Variants in MAGEA11 observed in about 807,000 individuals in gnomAD.
MAGEA11 encodes melanoma-associated antigen 11.
MAGEA11 carries 1 observed loss-of-function variant against 8.4 expected under a neutral mutation model. That is an observed-to-expected ratio of 0.12 (90% confidence interval 0.04 to 0.57). The LOEUF (loss-of-function observed/expected upper bound fraction) is 0.57. MAGEA11 is among the 20% of genes least tolerant of loss of function. The pLI is 0.91. For synonymous variants in MAGEA11, 127 were observed against 119.3 expected, an observed-to-expected ratio of 1.06 and a Z score of -0.42; for missense variants, 209 against 317.3, an observed-to-expected ratio of 0.66 and a Z score of 2.59.
rs781833393 is a variant in MAGEA11 at position 149,715,735 on chromosome X, C to G, written c.267-18C>G. 1 of 1,200,720 alleles carries G rather than the reference C, an allele frequency of 8.3e-7. No homozygotes were observed. Among genetic ancestry groups the G allele is most frequent in the South Asian group, 1.8e-5 (1 of 54,759 alleles). On this transcript the variant is annotated intron_variant, in intron 4 of 4. Coordinates refer to ENST00000355220, the MANE Select transcript of MAGEA11 (RefSeq NM_005366.5). ...CATATCTCATCTGAGTCTGTTCTCA[C>G]GCTCCCTCTCTCCCCAGGCTGTGGG...
upstream of MAGEA11, chrX:149,711,716 G>A (rs1278510777): frequency 2.3e-6 from 1 of 440,144 alleles, no homozygotes; most frequent in African/African-American, 2.7e-5. Flanking sequence ...GAAGACCTTG[G>A]CAATGTTGTC....
rs1557362477 is a variant in MAGEA11, at chrX:149,716,113, T to A, written c.627T>A (p.Pro209=). 2 of 1,212,217 alleles carry A rather than the reference T, an allele frequency of 1.6e-6. No homozygotes were observed. The highest frequency in any genetic ancestry group is 4.3e-5 in the Admixed American group (2 of 46,124). The part of the protein sequence containing the change: ...SQEKEGPSTS[P]DLIDPESFSQ... ...AAAAGGAGGGGCCAAGTACCTCGCCTGACCTGATAGACCCTGAGTCCTTTT... is the reference window on the plus strand; with the variant it reads ...AAAAGGAGGGGCCAAGTACCTCGCCAGACCTGATAGACCCTGAGTCCTTTT... The change falls in exon 5 of 5, where the codon CCT becomes CCA. Residue 209 remains proline (P), a synonymous_variant. Coordinates refer to ENST00000355220, the MANE Select transcript of MAGEA11 (RefSeq NM_005366.5).
intron 1 of MAGEA11, among the ~76,000 whole-genome samples, chrX:149,705,518 C>T (rs4893132): frequency 0.38 from 42,347 of 111,120 alleles, 6,331 homozygotes; most frequent in Non-Finnish European, 0.46. Flanking sequence ...TGGGTAAGTC[C>T]TTATCAGCAG....
At chrX:149,702,708 A>G (rs2090359733) in intron 1 of MAGEA11, among the ~76,000 whole-genome samples, 2 of 111,450 alleles carry the variant, frequency 1.8e-5, no homozygotes, top group African/African-American at 6.5e-5. Flanking sequence ...TCTGTGTTGT[A>G]GTCAGTGATT....
In MAGEA11 at chrX:149,715,638, G is replaced by A; in HGVS notation, c.227G>A (p.Ser76Asn). 2 of 1,209,602 alleles carry A rather than the reference G, an allele frequency of 1.7e-6. No individual in the cohort carries two copies. The highest frequency in any genetic ancestry group is 2.2e-6 in the Non-Finnish European group (2 of 893,792). ...GAACAGGCCAACCTGGAGGACAGGAGTCCCAGGAGAACCCAGAGGATCACT... is the reference window on the plus strand; with the variant it reads ...GAACAGGCCAACCTGGAGGACAGGAATCCCAGGAGAACCCAGAGGATCACT... ...FREQANLEDRSPRRTQRITGG... is the reference protein window; with the variant it reads ...FREQANLEDRNPRRTQRITGG... The change falls in exon 4 of 5, where the codon AGT becomes AAT. Residue 76 changes from serine (S) to asparagine (N), a missense_variant. By Grantham distance (46) the Ser-to-Asn change is conservative (BLOSUM62 1). Coordinates refer to ENST00000355220, the MANE Select transcript of MAGEA11 (RefSeq NM_005366.5).
rs371788232 is a variant in MAGEA11, at chrX:149,694,875, T to C, written c.9+5891T>C. Among the ~76,000 whole-genome samples the C allele has an allele frequency of 1.7e-4, 19 of 110,723 alleles. No homozygotes were observed. In the East Asian group the frequency reaches 2.6e-3, roughly 15 times the overall value. On this transcript the variant is annotated intron_variant, in intron 1 of 3. Coordinates refer to the MAGEA11 transcript ENST00000333104. ...TACGTGGGATTACAGGCACCTGTCA[T>C]CACACCCGGCTACCTTTTGTATTTT... is the stretch of plus-strand genomic sequence containing the variant.
rs1557362458 is a variant in MAGEA11, at chrX:149,716,056, G to A, written c.570G>A (p.Gly190=). ...CCACTGCCATGGATGCCATCTTTGG[G>A]AGCCTATCTGATGAGGGCTCTGGCA... The part of the protein sequence containing the change: ...FSPTAMDAIF[G]SLSDEGSGSQ... Residue 190 remains glycine (G), a synonymous_variant, in exon 5 of 5, where the codon GGG becomes GGA. Transcript: ENST00000355220. 3 of 1,211,957 alleles carry A rather than the reference G, an allele frequency of 2.5e-6. No individual in the cohort carries two copies. Among genetic ancestry groups the A allele is most frequent in the Admixed American group, 4.3e-5 (2 of 46,056 alleles).
chrX:149,712,982 G>C (rs1406883141), intron 1 of MAGEA11, among the ~76,000 whole-genome samples, 161 bp from the exon 2 acceptor site: 1 of 112,313 alleles, frequency 8.9e-6, no homozygotes, highest in Admixed American at 9.3e-5. Context: ...ACAGAGGGAA[G>C]GGGCTTGGTA....
chrX:149,710,016 G>T (rs2090392582), upstream of MAGEA11, among the ~76,000 whole-genome samples: 2 of 111,711 alleles, frequency 1.8e-5, no homozygotes, highest in African/African-American at 6.5e-5. Flanking sequence ...AGTGATATTT[G>T]GTAGGGTAAT....
At chrX:149,701,161 A>C (rs1557360979) in intron 1 of MAGEA11, among the ~76,000 whole-genome samples, 1 of 111,038 alleles carries the variant, frequency 9.0e-6, no homozygotes, top group African/African-American at 3.3e-5. Context: ...ACAAGGGTTG[A>C]ACTAGGTTAC....
intron 1 of MAGEA11, among the ~76,000 whole-genome samples, chrX:149,712,558 T>C (rs1276310554): frequency 9.2e-6 from 1 of 108,908 alleles, no homozygotes; most frequent in Non-Finnish European, 1.9e-5. Flanking sequence ...GCTTGTGACC[T>C]GCTGAGGGCA....
chrX:149,697,756 G>A (rs1295493267), intron 1 of MAGEA11, among the ~76,000 whole-genome samples: 1 of 111,790 alleles, frequency 8.9e-6, no homozygotes, highest in Non-Finnish European at 1.9e-5. Flanking sequence ...GCTAAAAGGG[G>A]CCAATGTACT....
At chrX:149,702,358 T>C (rs1409968203) in intron 1 of MAGEA11, among the ~76,000 whole-genome samples, 3 of 111,918 alleles carry the variant, frequency 2.7e-5, no homozygotes, top group Non-Finnish European at 5.6e-5. Flanking sequence ...TAGGTACATA[T>C]ATGTTTATAA....
At chrX:149,714,151 A>T (rs1411598654) in intron 2 of MAGEA11, 6 of 214,420 alleles carry the variant, frequency 2.8e-5, no homozygotes, top group Admixed American at 6.3e-5. Context: ...TAATGAAGGG[A>T]TCCCACAGAG....
intron 4 of MAGEA11, 36 bp downstream of exon 4, chrX:149,715,713 A>G (rs375893812): frequency 1.2e-5 from 14 of 1,195,551 alleles, no homozygotes; most frequent in African/African-American, 7.0e-5. Flanking sequence ...CATGGTTCAT[A>G]TCTCATCTGA....
Position 149,715,994 on chromosome X carries a change from A to G in MAGEA11, c.508A>G (p.Ser170Gly), listed in dbSNP as rs370004708. ...LEELPAAESP[S>G]PPQSPQEESF... ...GGAGTTGCCTGCTGCTGAGTCACCAAGTCCTCCCCAGAGTCCTCAGGAAGA... is the reference window on the plus strand; with the variant it reads ...GGAGTTGCCTGCTGCTGAGTCACCAGGTCCTCCCCAGAGTCCTCAGGAAGA... Residue 170 changes from serine (S) to glycine (G), a missense_variant, in exon 5 of 5, where the codon AGT becomes GGT. Ser to Gly is a moderately conservative substitution (Grantham distance 56, BLOSUM62 0). Transcript: ENST00000355220. The G allele has an allele frequency of 3.9e-5, 47 of 1,209,515 alleles. No homozygotes were observed. The highest frequency in any genetic ancestry group is 2.2e-5 in the Admixed American group (1 of 45,757).
intron 1 of MAGEA11, among the ~76,000 whole-genome samples, chrX:149,696,809 A>G (rs909363449): frequency 1.8e-5 from 2 of 111,653 alleles, no homozygotes; most frequent in Non-Finnish European, 3.8e-5. Flanking sequence ...AAGCTTTTAC[A>G]TGGCTTCTGG....
intron 1 of MAGEA11, among the ~76,000 whole-genome samples, chrX:149,702,044 C>G (rs1025200893): frequency 2.7e-4 from 30 of 111,812 alleles, no homozygotes; most frequent in Admixed American, 2.8e-4. Context: ...AGATAAAGTA[C>G]TTTGTACAAT....
At chrX:149,706,374 G>C (rs2090377457) in intron 1 of MAGEA11, among the ~76,000 whole-genome samples, 3 of 111,432 alleles carry the variant, frequency 2.7e-5, no homozygotes, top group African/African-American at 9.8e-5. Flanking sequence ...TGACAAAACA[G>C]TTCGGCATCA....
Sources: gnomAD v4.1 joint callset for allele counts (sites outside exome capture counted in the v4.1 genomes callset) on GRCh38, gnomAD v4.1.1 for gene constraint, MANE v1.5 for transcripts, NCBI Gene and HGNC (gene_info 2026-07-23, HGNC 2026-07-21) for gene names.